SMARCB1: variants seen among roughly 807,000 people sequenced by gnomAD.
SMARCB1 encodes SWI/SNF related BAF chromatin remodeling complex subunit B1.
A neutral mutation model predicts 49.0 loss-of-function variants in SMARCB1; 5 were observed. The ratio of observed to expected loss-of-function variants is 0.10; its 90% CI spans 0.05 to 0.21. The LOEUF (loss-of-function observed/expected upper bound fraction) is 0.21, where lower values mean the gene tolerates loss of function less well. Ranked by LOEUF, SMARCB1 falls within the 10% of genes least tolerant of loss-of-function variation. SMARCB1 has a pLI of 1.00. For missense variants in SMARCB1, 226 were observed against 509.2 expected (o/e 0.44, Z 5.35); for synonymous variants, 201 against 200.1 (o/e 1.00, Z -0.04).
At chr22:23,793,119 A>T in intron 2 of SMARCB1, 1 of 265,214 alleles carries the variant, frequency 3.8e-6, no homozygotes, top group Non-Finnish European at 7.5e-6. Context: ...TTCATCTTCC[A>T]TTCCATCTCC....
chr22:23,799,741 G>A (rs1321556098), intron 3 of SMARCB1, among the ~76,000 whole-genome samples: 1 of 136,902 alleles, frequency 7.3e-6, no homozygotes, highest in East Asian at 2.2e-4. Context: ...CTGGAGTGCA[G>A]TGGCGCAATG....
intron 1 of SMARCB1, among the ~76,000 whole-genome samples, chr22:23,790,586 T>G (rs1333950068): frequency 1.3e-5 from 2 of 152,054 alleles, no homozygotes; most frequent in African/African-American, 4.8e-5. Context: ...CTCACACCCG[T>G]AATCCCAGCA....
intron 3 of SMARCB1, among the ~76,000 whole-genome samples, chr22:23,795,268 C>G (rs1027231937): frequency 6.6e-6 from 1 of 152,066 alleles, no homozygotes; most frequent in Non-Finnish European, 1.5e-5. Flanking sequence ...GAGACGTTAT[C>G]TCTACTGAAA....
chr22:23,837,328 A>T lies in SMARCB1; in HGVS notation c.*3148A>T. On this transcript the variant is annotated 3_prime_UTR_variant, in exon 9 of 9. Transcript: ENST00000644036. ...CGGGTTGGCCGTGAAGGACAAGCTT[A>T]AAAGGCCCAGAAGCAGGCAGGACCC... 1 of 845,436 alleles carries T rather than the reference A, an allele frequency of 1.2e-6. No homozygotes were observed. Among genetic ancestry groups the T allele is most frequent in the African/African-American group, 1.7e-5 (1 of 57,730 alleles). 52.4% of individuals were successfully genotyped at this position (845,436 alleles called of 1,614,324 possible).
chr22:23,805,323 C>T (rs1929429442), intron 5 of SMARCB1, among the ~76,000 whole-genome samples: 1 of 151,926 alleles, frequency 6.6e-6, no homozygotes, highest in Non-Finnish European at 1.5e-5. Context: ...GTTCACTGGT[C>T]ATGCCCCAGA....
At chr22:23,816,708 AGGCCGG>A in intron 5 of SMARCB1, 56 bp from the exon 6 acceptor site, 1 of 1,484,094 alleles carries the variant, frequency 6.7e-7, no homozygotes, top group Non-Finnish European at 9.4e-7. Flanking sequence ...GGGGTGAGGG[AGGCCGG>A]TCCATGCCCA....
rs781389727 is a variant in SMARCB1 at position 23,837,609 on chromosome 22, C to CT, written c.*3430dup. On this transcript the variant is annotated 3_prime_UTR_variant, in exon 9 of 9. Coordinates refer to ENST00000644036, the MANE Select transcript of SMARCB1 (RefSeq NM_003073.5). ...GGCCCCAGGGCATAAGCAGCGTGTC[C>CT]TGAGGGGAGTGGCCAGCCTGGGGCG... is the stretch of plus-strand genomic sequence containing the variant. 3.4e-5 allele frequency: 54 copies of CT among 1,580,454 alleles called. 1 individual carries two copies. The South Asian group carries it at 5.6e-4, about 17-fold the overall frequency.
intron 1 of SMARCB1, among the ~76,000 whole-genome samples, chr22:23,789,426 A>G (rs1928232632): frequency 6.6e-6 from 1 of 152,226 alleles, no homozygotes; most frequent in South Asian, 2.1e-4. Context: ...ACACTTCAAA[A>G]GAAAGCTTTC....
At position 23,817,089 on chromosome 22, in the gene SMARCB1, A is replaced by G. The variant is rs2073393; in HGVS notation, c.795+153A>G. On this transcript the variant is annotated intron_variant, in intron 6 of 8. Coordinates refer to ENST00000644036, the MANE Select transcript of SMARCB1 (RefSeq NM_003073.5). The stretch of plus-strand genomic sequence containing the variant: ...ATAACACCTGGCTTTGCTCCCTGCA[A>G]TCCCCCAGGAAGGGCATAGGCTGAG... 0.13 allele frequency: 87,466 copies of G among 671,394 alleles called. 6,777 individuals carry two copies. Among genetic ancestry groups the G allele is most frequent in the South Asian group, 0.27 (16,142 of 60,476 alleles). The allele number at this position is 671,394 out of a possible 1,614,324, so 41.6% of individuals were successfully genotyped here.
In SMARCB1 at chr22:23,837,352, C is replaced by T; in HGVS notation, c.*3172C>T. 1.4e-6 allele frequency: 1 copy of T among 730,638 alleles called. No homozygotes were observed. Among genetic ancestry groups the T allele is most frequent in the East Asian group, 2.7e-5 (1 of 36,798 alleles). 45.3% of individuals were successfully genotyped at this position (730,638 alleles called of 1,614,324 possible). ...TAAAAGGCCCAGAAGCAGGCAGGAC[C>T]CAGGGAGGGGAGGGCCTGAGAATAG... On this transcript the variant is annotated 3_prime_UTR_variant, in exon 9 of 9. Transcript: ENST00000644036.
At chr22:23,827,912 T>TCCTGCCTGGC (rs748239447) in intron 7 of SMARCB1, among the ~76,000 whole-genome samples, 54 of 152,290 alleles carry the variant, frequency 3.5e-4, no homozygotes, top group African/African-American at 1.1e-3. Flanking sequence ...CCAGTGTCAG[T>TCCTGCCTGGC]CCTGCCTGGC....
chr22:23,808,396 C>G (rs896227820), intron 5 of SMARCB1, among the ~76,000 whole-genome samples: 4 of 152,128 alleles, frequency 2.6e-5, no homozygotes, highest in Non-Finnish European at 4.4e-5. Context: ...GTTGGGATTA[C>G]AGGCGTGAGC....
At chr22:23,821,695 TA>T (rs1301720802) in intron 6 of SMARCB1, among the ~76,000 whole-genome samples, 1 of 151,456 alleles carries the variant, frequency 6.6e-6, no homozygotes, top group Non-Finnish European at 1.5e-5. Flanking sequence ...ACTAAAAATA[TA>T]AAAAATTAGC....
At chr22:23,805,686 G>T (rs576542879) in intron 5 of SMARCB1, among the ~76,000 whole-genome samples, 1 of 152,244 alleles carries the variant, frequency 6.6e-6, no homozygotes, top group South Asian at 2.1e-4. Context: ...TGTATTTTTA[G>T]TGGAGACGGG....
At chr22:23,799,933 G>A (rs1448082831) in intron 3 of SMARCB1, among the ~76,000 whole-genome samples, 4 of 151,380 alleles carry the variant, frequency 2.6e-5, no homozygotes, top group Non-Finnish European at 4.4e-5. Context: ...ATCTGCCCGC[G>A]TCGGCCTCCC....
chr22:23,830,131 T>C (rs922913367), intron 7 of SMARCB1, among the ~76,000 whole-genome samples: 2 of 152,230 alleles, frequency 1.3e-5, no homozygotes, highest in Non-Finnish European at 2.9e-5. Flanking sequence ...TGTATGAGTT[T>C]TTGTGTGAAC....
At chr22:23,816,458 G>T (rs562394441) in intron 5 of SMARCB1, 8 of 538,252 alleles carry the variant, frequency 1.5e-5, no homozygotes, top group African/African-American at 1.1e-4. Context: ...TGCTGGCCTC[G>T]CCTGGATCAT....
intron 7 of SMARCB1, among the ~76,000 whole-genome samples, chr22:23,828,231 T>A (rs1009068556): frequency 6.6e-6 from 1 of 152,076 alleles, no homozygotes; most frequent in Non-Finnish European, 1.5e-5. Context: ...TTTTGTGTTT[T>A]TAGTAGAGAC....
At chr22:23,814,523 G>A (rs558678281) in intron 5 of SMARCB1, among the ~76,000 whole-genome samples, 1 of 151,770 alleles carries the variant, frequency 6.6e-6, no homozygotes, top group South Asian at 2.1e-4. Flanking sequence ...CAATTAGCTG[G>A]GCGTGGTGGC....
Sources: gnomAD v4.1 joint callset for allele counts (sites outside exome capture counted in the v4.1 genomes callset) on GRCh38, gnomAD v4.1.1 for gene constraint, MANE v1.5 for transcripts, NCBI Gene and HGNC (gene_info 2026-07-23, HGNC 2026-07-21) for gene names.